Variants in C10orf90 observed in about 807,000 individuals in gnomAD.
The protein encoded by C10orf90 is chromosome 10 open reading frame 90, also known as (E2-independent) E3 ubiquitin-conjugating enzyme FATS.
In C10orf90, 56 loss-of-function variants were observed where a neutral mutation model predicts 62.5. The observed-to-expected ratio is 0.90, with a 90% CI of 0.72 to 1.12. The LOEUF is 1.12. C10orf90 is among the 50% of genes most tolerant of loss of function. The pLI is 0.00. For synonymous variants in C10orf90, 386 were observed against 340.4 expected (o/e 1.13, Z -1.47); for missense variants, 970 against 880.4 (o/e 1.10, Z -1.29).
At chr10:126,485,115 A>T (rs1861360606) in intron 4 of C10orf90, among the ~76,000 whole-genome samples, 2 of 152,210 alleles carry the variant, frequency 1.3e-5, no homozygotes, top group Admixed American at 1.3e-4. Flanking sequence ...ATTAGGTCAT[A>T]TGGGTGGAGC....
intron 1 of C10orf90, among the ~76,000 whole-genome samples, chr10:126,655,834 C>CAAAAAAAAA (rs1195360598): frequency 2.8e-4 from 35 of 126,526 alleles, no homozygotes; most frequent in African/African-American, 7.4e-4. Context: ...CAAAACAAAA[C>CAAAAAAAAA]AAAACAAAAA....
intron 2 of C10orf90, among the ~76,000 whole-genome samples, chr10:126,544,900 T>C (rs1249210728): frequency 6.6e-6 from 1 of 152,148 alleles, no homozygotes; most frequent in Non-Finnish European, 1.5e-5. Context: ...TCCTATTGAT[T>C]GGCACCAGTA....
chr10:126,467,393 C>T (rs905324765), intron 4 of C10orf90, among the ~76,000 whole-genome samples: 1 of 152,216 alleles, frequency 6.6e-6, no homozygotes, highest in Admixed American at 6.5e-5. Context: ...CAGGACAAGG[C>T]GGCATGTGTG....
At chr10:126,524,532 G>T in intron 2 of C10orf90, 1 of 689,524 alleles carries the variant, frequency 1.5e-6, no homozygotes, top group Non-Finnish European at 1.8e-6. Context: ...TCAGGGCTTA[G>T]GCAGCAAGAA....
intron 2 of C10orf90, among the ~76,000 whole-genome samples, chr10:126,525,742 T>C (rs367876121): frequency 6.6e-6 from 1 of 152,182 alleles, no homozygotes; most frequent in Non-Finnish European, 1.5e-5. Flanking sequence ...AAACTCAAAG[T>C]GGCCTCTCTA....
intron 1 of C10orf90, among the ~76,000 whole-genome samples, chr10:126,652,212 T>C (rs1846304641): frequency 6.6e-6 from 1 of 152,232 alleles, no homozygotes; most frequent in Non-Finnish European, 1.5e-5. Flanking sequence ...GATTCCCTCT[T>C]CATGCTTCAT....
chr10:126,645,588 T>TAAAA (rs779008025), intron 2 of C10orf90, among the ~76,000 whole-genome samples: 14 of 93,202 alleles, frequency 1.5e-4, no homozygotes, highest in South Asian at 1.4e-3. Flanking sequence ...AGACCCTGCC[T>TAAAA]AAAAAAAAAA....
chr10:126,560,176 A>C (rs1864868515), intron 2 of C10orf90, among the ~76,000 whole-genome samples: 1 of 152,212 alleles, frequency 6.6e-6, no homozygotes, highest in Non-Finnish European at 1.5e-5. Context: ...GCCAGCAAGA[A>C]TTACTTTCAG....
At chr10:126,434,534 G>T (rs1028742555) in intron 7 of C10orf90, among the ~76,000 whole-genome samples, 1 of 152,168 alleles carries the variant, frequency 6.6e-6, no homozygotes, top group Non-Finnish European at 1.5e-5. Context: ...GGATGTTTTA[G>T]ACATTTGCTT....
At chr10:126,614,015 A>G (rs1050626783) in intron 2 of C10orf90, among the ~76,000 whole-genome samples, 2 of 152,150 alleles carry the variant, frequency 1.3e-5, no homozygotes, top group African/African-American at 2.4e-5. Flanking sequence ...GGCCTGTTAC[A>G]TTCCTCATGG....
At chr10:126,563,525 T>A (rs1287187984) in intron 2 of C10orf90, among the ~76,000 whole-genome samples, 3 of 152,136 alleles carry the variant, frequency 2.0e-5, no homozygotes, top group Admixed American at 2.0e-4. Flanking sequence ...AGTCAAATCC[T>A]TAGAGGGTTT....
chr10:126,530,389 A>AAG (rs1864062108), intron 2 of C10orf90, among the ~76,000 whole-genome samples: 1 of 152,192 alleles, frequency 6.6e-6, no homozygotes, highest in Non-Finnish European at 1.5e-5. Flanking sequence ...TGTCAGGAAT[A>AAG]AGAGAGACAT....
At chr10:126,505,585 C>G (rs1050968900) in intron 3 of C10orf90, among the ~76,000 whole-genome samples, 1 of 152,138 alleles carries the variant, frequency 6.6e-6, no homozygotes, top group Non-Finnish European at 1.5e-5. Context: ...CCACATTTGC[C>G]GGTTTAGACT....
At chr10:126,571,246 C>T (rs1844499136) in intron 2 of C10orf90, among the ~76,000 whole-genome samples, 1 of 152,218 alleles carries the variant, frequency 6.6e-6, no homozygotes, top group Non-Finnish European at 1.5e-5. Context: ...AGTCACTTTT[C>T]AAAGACAAGA....
intron 2 of C10orf90, among the ~76,000 whole-genome samples, chr10:126,612,237 C>T (rs1462416682): frequency 6.6e-6 from 1 of 152,136 alleles, no homozygotes; most frequent in East Asian, 1.9e-4. Flanking sequence ...AGGAGAATTG[C>T]TTGAACTTGG....
At chr10:126,589,975 G>T (rs1487394769) in intron 2 of C10orf90, among the ~76,000 whole-genome samples, 1 of 152,060 alleles carries the variant, frequency 6.6e-6, no homozygotes, top group Non-Finnish European at 1.5e-5. Context: ...ACACACACAG[G>T]CTCAATTTAA....
chr10:126,448,655 A>G (rs1173356595), intron 7 of C10orf90, among the ~76,000 whole-genome samples: 3 of 152,328 alleles, frequency 2.0e-5, no homozygotes, highest in Admixed American at 1.3e-4. Flanking sequence ...AGCTAGACTG[A>G]AGAGAGAAGA....
intron 7 of C10orf90, among the ~76,000 whole-genome samples, chr10:126,449,975 T>G: frequency 7.1e-6 from 1 of 140,286 alleles, no homozygotes; most frequent in African/African-American, 2.7e-5. Flanking sequence ...CCAGCCTGGG[T>G]GACAGAGACG....
intron 2 of C10orf90, among the ~76,000 whole-genome samples, chr10:126,619,298 G>C (rs1845600783): frequency 6.6e-6 from 1 of 152,292 alleles, no homozygotes; most frequent in East Asian, 1.9e-4. Context: ...ACGTATTCCT[G>C]TCAGGAATAT....
Sources: allele counts gnomAD v4.1 joint callset (sites outside exome capture counted in the v4.1 genomes callset), GRCh38; gene constraint gnomAD v4.1.1; transcripts MANE v1.5; gene names NCBI Gene and HGNC (gene_info 2026-07-23, HGNC 2026-07-21).